Variants in TIAM1 observed in about 807,000 individuals in gnomAD.
TIAM1 encodes the protein TIAM Rac1 associated GEF 1.
Under a neutral mutation model 163.5 loss-of-function variants are expected in TIAM1, and 65 were observed. The ratio of observed to expected loss-of-function variants is 0.40; its 90% CI spans 0.33 to 0.49. The LOEUF (loss-of-function observed/expected upper bound fraction) is 0.49. Among genes scored for constraint, TIAM1 ranks in the 20% least tolerant of loss-of-function variants. The pLI, the probability that TIAM1 is intolerant of heterozygous loss-of-function variation, is 0.77. For synonymous variants in TIAM1, 833 were observed against 810.1 expected, an observed-to-expected ratio of 1.03 and a Z score of -0.48; for missense variants, 1,789 against 2,044.7, an observed-to-expected ratio of 0.87 and a Z score of 2.41.
chr21:31,260,616 T>G (rs1035633513), intron 4 of TIAM1, among the ~76,000 whole-genome samples: 1 of 151,874 alleles, frequency 6.6e-6, no homozygotes, highest in Non-Finnish European at 1.5e-5. Flanking sequence ...ATATATATTC[T>G]TGTTGAAAAT....
intron 12 of TIAM1, among the ~76,000 whole-genome samples, chr21:31,197,424 G>A (rs959127618): frequency 6.7e-6 from 1 of 148,190 alleles, no homozygotes; most frequent in African/African-American, 2.5e-5. Flanking sequence ...CGCCCAGGCT[G>A]GAGTGCAGCG....
At chr21:31,202,444 T>C (rs1469501764) in intron 12 of TIAM1, among the ~76,000 whole-genome samples, 5 of 152,022 alleles carry the variant, frequency 3.3e-5, no homozygotes, top group African/African-American at 1.2e-4. Flanking sequence ...TGCGTGCCTG[T>C]GGTTCCAGTT....
At chr21:31,155,061 C>T (rs1292680499) in intron 16 of TIAM1, among the ~76,000 whole-genome samples, 1 of 152,224 alleles carries the variant, frequency 6.6e-6, no homozygotes, top group Non-Finnish European at 1.5e-5. Context: ...TACCACTCCC[C>T]TTTAAGAATA....
chr21:31,460,536 A>G (rs908957329), intron 2 of TIAM1, among the ~76,000 whole-genome samples: 2 of 152,234 alleles, frequency 1.3e-5, no homozygotes, highest in Admixed American at 1.3e-4. Context: ...CTGAGGCCAC[A>G]GAATCACTTG....
chr21:31,195,262 A>G lies in TIAM1; in HGVS notation c.2537T>C (p.Ile846Thr), dbSNP rs2146494858. 1 of 1,613,796 alleles carries G rather than the reference A, an allele frequency of 6.2e-7. No homozygotes were observed. The highest frequency in any genetic ancestry group is 1.6e-4 in the Middle Eastern group (1 of 6,062). The change falls in exon 13 of 28, where the codon ATC becomes ACC. Residue 846 changes from isoleucine (I) to threonine (T), a missense_variant. By Grantham distance (89) the Ile-to-Thr change is moderately conservative. Coordinates refer to ENST00000541036, the MANE Select transcript of TIAM1 (RefSeq NM_001353694.2). ...IEICPKVTQS[I>T]HIEKSDTAAD... The stretch of plus-strand genomic sequence containing the variant: ...AGCTGTATCTGACTTCTCAATGTGG[A>G]TGCTCTGAGTGACTTTTGGACAGAT...
At chr21:31,503,867 A>C (rs987141866) in intron 1 of TIAM1, among the ~76,000 whole-genome samples, 1 of 151,874 alleles carries the variant, frequency 6.6e-6, no homozygotes, top group Non-Finnish European at 1.5e-5. Context: ...TAAAAAAAAA[A>C]AGTGAGGACC....
chr21:31,301,859 G>GATAA (rs35664774), intron 2 of TIAM1, among the ~76,000 whole-genome samples: 83,747 of 146,202 alleles, frequency 0.57, 24,386 homozygotes, highest in South Asian at 0.71. Flanking sequence ...TAGATAAATA[G>GATAA]ATAAATAAAT....
intron 25 of TIAM1, 59 bp from the exon 26 acceptor site, chr21:31,127,211 T>C: frequency 1.3e-6 from 2 of 1,525,652 alleles, no homozygotes; most frequent in Non-Finnish European, 9.1e-7. Flanking sequence ...TATTTACATG[T>C]TTGCAAAAGC....
In TIAM1 at chr21:31,417,984, G is replaced by GC. The variant is rs539404720; in HGVS notation, c.-369+45998dup. 1.4e-4 allele frequency among the ~76,000 whole-genome samples: 21 copies of GC among 152,242 alleles called. No homozygotes were observed. In the South Asian group the frequency reaches 4.2e-3, roughly 30 times the overall value. On this transcript the variant is annotated intron_variant, in intron 2 of 28. Coordinates refer to the TIAM1 transcript ENST00000286827. Reference sequence around the variant, plus strand: ...TCAAGTCAGCCAGGAACCACTGTGAGCCCTTCAGTTTTTATTTCGGGGCAA... The same window carrying GC: ...TCAAGTCAGCCAGGAACCACTGTGAGCCCCTTCAGTTTTTATTTCGGGGCAA...
intron 2 of TIAM1, among the ~76,000 whole-genome samples, chr21:31,384,334 G>A (rs2076829598): frequency 6.9e-6 from 1 of 144,208 alleles, no homozygotes; most frequent in African/African-American, 2.6e-5. Context: ...GGAGGCCAAA[G>A]CAGAAGAACT....
At chr21:31,469,844 AAC>A (rs959770485) in intron 1 of TIAM1, among the ~76,000 whole-genome samples, 10 of 74,428 alleles carry the variant, frequency 1.3e-4, no homozygotes, top group East Asian at 2.3e-4. Flanking sequence ...AAAACAAACA[AAC>A]AAAAAAAAAA....
chr21:31,449,641 G>C (rs2044752570), intron 2 of TIAM1, among the ~76,000 whole-genome samples: 1 of 152,174 alleles, frequency 6.6e-6, no homozygotes, highest in Non-Finnish European at 1.5e-5. Flanking sequence ...GCCTCCCAAA[G>C]TGCTGGCATT....
chr21:31,498,413 A>G lies in TIAM1; in HGVS notation c.-421-34378T>C, dbSNP rs2147440000. Among the ~76,000 whole-genome samples, 3 of 151,578 alleles carry G rather than the reference A, an allele frequency of 2.0e-5. No individual in the cohort carries two copies. The South Asian group carries it at 6.2e-4, about 32-fold the overall frequency. ...GATGGTGAGCTCATCTGGCTTTCCA[A>G]TTGTCAGAACACCAGGCAAGGGACC... On this transcript the variant is annotated intron_variant, in intron 1 of 28. Transcript: ENST00000286827.
In TIAM1 at chr21:31,120,999, T is replaced by C. The variant is rs531018250; in HGVS notation, c.4307-162A>G. ...AAGTCTACATATCACCAATCTGTCATGGAGCATTTACCTTGTCGAGGTATC... is the reference window on the plus strand; with the variant it reads ...AAGTCTACATATCACCAATCTGTCACGGAGCATTTACCTTGTCGAGGTATC... On this transcript the variant is annotated intron_variant, in intron 27 of 27. Coordinates refer to ENST00000541036, the MANE Select transcript of TIAM1 (RefSeq NM_001353694.2). This position sits in a 1 kb window ranked among gnomAD's most constrained non-coding sequence, Gnocchi z 4.2. 3.9e-5 allele frequency among the ~76,000 whole-genome samples: 6 copies of C among 152,332 alleles called. No homozygotes were observed. Among genetic ancestry groups the C allele is most frequent in the Admixed American group, 1.3e-4 (2 of 15,306 alleles).
chr21:31,168,909 C>T (rs1042693317), intron 15 of TIAM1, among the ~76,000 whole-genome samples: 14 of 152,302 alleles, frequency 9.2e-5, no homozygotes, highest in African/African-American at 3.4e-4. Context: ...GCAACAGACA[C>T]AATAACTGAC....
chr21:31,262,049 C>T (rs1038143745), intron 4 of TIAM1, among the ~76,000 whole-genome samples: 1 of 151,788 alleles, frequency 6.6e-6, no homozygotes, highest in Admixed American at 6.6e-5. Context: ...CGGCAGGTTT[C>T]TCTCTCTCTC....
intron 2 of TIAM1, among the ~76,000 whole-genome samples, chr21:31,401,855 T>C (rs2077170561): frequency 6.6e-6 from 1 of 150,534 alleles, no homozygotes; most frequent in South Asian, 2.1e-4. Context: ...AGGTTGCAGT[T>C]AGCTAGAACC....
intron 1 of TIAM1, among the ~76,000 whole-genome samples, chr21:31,464,794 G>C (rs1475780480): frequency 6.9e-6 from 1 of 144,646 alleles, no homozygotes; most frequent in Non-Finnish European, 1.5e-5. Flanking sequence ...AGTGAGCCAA[G>C]ATCGAGTCAC....
chr21:31,192,067 G>T (rs79437695), intron 13 of TIAM1, among the ~76,000 whole-genome samples: 6,584 of 152,186 alleles, frequency 0.043, 197 homozygotes, highest in Non-Finnish European at 0.065. Flanking sequence ...ATAATAAGCC[G>T]CTCATAAACA....
Sources: gnomAD v4.1 joint callset for allele counts (sites outside exome capture counted in the v4.1 genomes callset) on GRCh38, gnomAD v4.1.1 for gene constraint, Gnocchi (gnomAD v3.1) non-coding constraint, MANE v1.5 for transcripts, NCBI Gene and HGNC (gene_info 2026-07-23, HGNC 2026-07-21) for gene names.